Variants in SPAG16 observed in about 807,000 individuals in gnomAD.
SPAG16 encodes the protein sperm-associated antigen 16 protein.
A neutral mutation model predicts 80.4 loss-of-function variants in SPAG16; 86 were observed. The ratio of observed to expected loss-of-function variants is 1.07; its 90% CI spans 0.90 to 1.28. The LOEUF (loss-of-function observed/expected upper bound fraction) is 1.28, where lower values mean the gene tolerates loss of function less well. SPAG16 is among the 50% of genes most tolerant of loss of function. The pLI is 0.00. For synonymous variants in SPAG16, 294 were observed against 265.9 expected (o/e 1.11, Z -1.03); for missense variants, 870 against 765.3 (o/e 1.14, Z -1.61).
Position 213,717,440 on chromosome 2 carries a change from G to A in SPAG16, c.1071-145045G>A, listed in dbSNP as rs955288439. 5.9e-5 allele frequency among the ~76,000 whole-genome samples: 9 copies of A among 152,214 alleles called. No individual in the cohort carries two copies. The South Asian group carries it at 1.0e-3, about 18-fold the overall frequency. On this transcript the variant is annotated intron_variant, in intron 10 of 15. Coordinates refer to ENST00000331683, the MANE Select transcript of SPAG16 (RefSeq NM_024532.5). ...TTCCCAAAGTGCTGGGATTACAGGT[G>A]TGAGCCACTGCGCCCGGCAAAAGTA... is the stretch of plus-strand genomic sequence containing the variant.
chr2:213,608,850 AT>A (rs1265992839), intron 10 of SPAG16, among the ~76,000 whole-genome samples: 1 of 151,962 alleles, frequency 6.6e-6, no homozygotes, highest in African/African-American at 2.4e-5. Context: ...CACCCAGCTA[AT>A]TTTTTTGCAT....
intron 5 of SPAG16, among the ~76,000 whole-genome samples, chr2:213,333,616 T>G (rs1401906311): frequency 6.6e-6 from 1 of 152,080 alleles, no homozygotes; most frequent in Non-Finnish European, 1.5e-5. Context: ...TACAGAAATA[T>G]AGTAACCAAA....
At chr2:213,352,600 G>C (rs180846624) in intron 7 of SPAG16, among the ~76,000 whole-genome samples, 1 of 152,286 alleles carries the variant, frequency 6.6e-6, no homozygotes, top group East Asian at 1.9e-4. Flanking sequence ...AATTCCAGTT[G>C]TGTTGTAAAA....
chr2:214,366,554 C>T (rs565953884), intron 15 of SPAG16, among the ~76,000 whole-genome samples: 12 of 152,024 alleles, frequency 7.9e-5, no homozygotes, highest in Non-Finnish European at 1.6e-4. Context: ...AATCCATAAA[C>T]GAGAATTCCA....
intron 13 of SPAG16, among the ~76,000 whole-genome samples, chr2:214,078,699 C>T (rs2125253264): frequency 6.6e-6 from 1 of 151,994 alleles, no homozygotes; most frequent in African/African-American, 2.4e-5. Flanking sequence ...AAAAATAACC[C>T]TTTGAGGAAA....
intron 9 of SPAG16, among the ~76,000 whole-genome samples, chr2:213,421,186 T>A (rs2069561629): frequency 6.6e-6 from 1 of 152,198 alleles, no homozygotes; most frequent in Non-Finnish European, 1.5e-5. Flanking sequence ...CCCACAGGCT[T>A]GGAAGTGCCT....
At chr2:213,990,459 G>A (rs1311833864) in intron 12 of SPAG16, among the ~76,000 whole-genome samples, 1 of 152,046 alleles carries the variant, frequency 6.6e-6, no homozygotes, top group Non-Finnish European at 1.5e-5. Context: ...TTGACTGGAA[G>A]CTTTACTGAT....
rs191394867 is a variant in SPAG16 at position 214,288,571 on chromosome 2, C to A, written c.1721-121569C>A. Among the ~76,000 whole-genome samples, 374 of 152,198 alleles carry A rather than the reference C, an allele frequency of 2.5e-3. 2 individuals are homozygous for A. The highest frequency in any genetic ancestry group is 8.6e-3 in the African/African-American group (359 of 41,552). On this transcript the variant is annotated intron_variant, in intron 15 of 15. Coordinates refer to ENST00000331683, the MANE Select transcript of SPAG16 (RefSeq NM_024532.5). ...CAGTGTATGAGTTCCCTTCTCCTCA[C>A]ATCCCGATCAGCATCTATTAAATTT...
At chr2:214,392,924 T>C (rs1701174168) in intron 15 of SPAG16, among the ~76,000 whole-genome samples, 1 of 152,206 alleles carries the variant, frequency 6.6e-6, no homozygotes, top group Non-Finnish European at 1.5e-5. Flanking sequence ...TCTCTCTTAA[T>C]AGGAAGTCCA....
intron 3 of SPAG16, 128 bp from the exon 4 acceptor site, chr2:213,309,931 G>A: frequency 1.7e-6 from 1 of 584,462 alleles, no homozygotes; most frequent in South Asian, 2.3e-5. Flanking sequence ...ATGGTTCCTG[G>A]CATATAACAG....
chr2:213,742,311 A>G (rs1462520709), intron 10 of SPAG16, among the ~76,000 whole-genome samples: 3 of 152,114 alleles, frequency 2.0e-5, no homozygotes, highest in African/African-American at 7.2e-5. Context: ...CTTCCCTTTC[A>G]AGAATACAAG....
At chr2:213,977,554 T>A (rs1331033701) in intron 12 of SPAG16, among the ~76,000 whole-genome samples, 1 of 152,044 alleles carries the variant, frequency 6.6e-6, no homozygotes, top group African/African-American at 2.4e-5. Context: ...AATTTTAACA[T>A]CCAACTAGGC....
At chr2:213,974,300 C>T (rs1406715784) in intron 12 of SPAG16, among the ~76,000 whole-genome samples, 1 of 151,972 alleles carries the variant, frequency 6.6e-6, no homozygotes, top group East Asian at 1.9e-4. Context: ...TGCATTGAGC[C>T]TACAAAATGT....
chr2:213,670,399 A>G (rs1273469002), intron 10 of SPAG16, among the ~76,000 whole-genome samples: 1 of 152,168 alleles, frequency 6.6e-6, no homozygotes, highest in Admixed American at 6.5e-5. Context: ...TAAAAATACT[A>G]AAAATTAACC....
chr2:213,942,545 A>T (rs1057448526), intron 12 of SPAG16, among the ~76,000 whole-genome samples: 1 of 152,120 alleles, frequency 6.6e-6, no homozygotes, highest in African/African-American at 2.4e-5. Context: ...TTCTGTATTG[A>T]CTTACCTGGA....
chr2:213,759,480 A>G (rs1327267643), intron 10 of SPAG16, among the ~76,000 whole-genome samples: 1 of 152,058 alleles, frequency 6.6e-6, no homozygotes, highest in Non-Finnish European at 1.5e-5. Context: ...TTGTGACATC[A>G]AAAATTGAGA....
chr2:213,375,489 C>G (rs952460721), intron 9 of SPAG16, among the ~76,000 whole-genome samples: 7 of 152,160 alleles, frequency 4.6e-5, no homozygotes, highest in African/African-American at 1.7e-4. Context: ...TTTACTTAGT[C>G]TCTTTAAAGG....
intron 15 of SPAG16, among the ~76,000 whole-genome samples, chr2:214,285,090 CAACT>C (rs1186882722): frequency 2.0e-5 from 3 of 152,174 alleles, no homozygotes; most frequent in African/African-American, 7.2e-5. Context: ...ACTCTCCCAC[CAACT>C]GTGTACAAAG....
At chr2:214,179,638 A>G (rs1489000954) in intron 15 of SPAG16, among the ~76,000 whole-genome samples, 1 of 151,434 alleles carries the variant, frequency 6.6e-6, no homozygotes, top group Non-Finnish European at 1.5e-5. Flanking sequence ...AAATAAAATG[A>G]ATCCGATAGA....
Sources: gnomAD v4.1 joint callset for allele counts (sites outside exome capture counted in the v4.1 genomes callset) on GRCh38, gnomAD v4.1.1 for gene constraint, MANE v1.5 for transcripts, NCBI Gene and HGNC (gene_info 2026-07-23, HGNC 2026-07-21) for gene names.